Variants in COL25A1 observed in about 807,000 individuals in gnomAD.
The protein encoded by COL25A1 is collagen type XXV alpha 1 chain.
A neutral mutation model predicts 128.4 loss-of-function variants in COL25A1; 103 were observed. That is an observed-to-expected ratio of 0.80 (90% confidence interval 0.68 to 0.94). COL25A1 has a LOEUF of 0.94. Among genes scored for constraint, COL25A1 ranks in the 40% least tolerant of loss-of-function variants. COL25A1 has a pLI of 0.00. For missense variants in COL25A1, 745 were observed against 840.0 expected, an observed-to-expected ratio of 0.89 and a Z score of 1.40; for synonymous variants, 279 against 277.2, an observed-to-expected ratio of 1.01 and a Z score of -0.06.
chr4:109,034,496 A>G lies in COL25A1; in HGVS notation c.420+13672T>C, dbSNP rs1040269173. Among the ~76,000 whole-genome samples, 8 of 152,180 alleles carry G rather than the reference A, an allele frequency of 5.3e-5. No individual in the cohort carries two copies. The South Asian group carries it at 1.7e-3, about 32-fold the overall frequency. Reference sequence around the variant, plus strand: ...ATTGTCTCCACGTTCATCACTGCAGAGTGGTTCTGTCCATGTGACAAGGTC... The same window carrying G: ...ATTGTCTCCACGTTCATCACTGCAGGGTGGTTCTGTCCATGTGACAAGGTC... On this transcript the variant is annotated intron_variant, in intron 5 of 37. Coordinates refer to ENST00000399132, the MANE Select transcript of COL25A1 (RefSeq NM_198721.4).
intron 3 of COL25A1, among the ~76,000 whole-genome samples, chr4:109,180,686 A>G (rs1019459129): frequency 4.6e-5 from 7 of 152,102 alleles, no homozygotes; most frequent in African/African-American, 1.4e-4. Flanking sequence ...CATTAAGTTT[A>G]TAGATTTCCA....
chr4:109,058,791 G>C (rs141541544), intron 3 of COL25A1, among the ~76,000 whole-genome samples: 1 of 152,228 alleles, frequency 6.6e-6, no homozygotes, highest in African/African-American at 2.4e-5. Context: ...TATTTAAGCG[G>C]GTGCTAAATT....
intron 23 of COL25A1, among the ~76,000 whole-genome samples, chr4:108,860,341 C>A (rs375359999): frequency 6.6e-6 from 1 of 152,166 alleles, no homozygotes; most frequent in East Asian, 1.9e-4. Flanking sequence ...ATCCACCAGC[C>A]TTGGCTCCCA....
At chr4:109,178,328 CT>C (rs1774288006) in intron 3 of COL25A1, among the ~76,000 whole-genome samples, 1 of 152,142 alleles carries the variant, frequency 6.6e-6, no homozygotes, top group South Asian at 2.1e-4. Flanking sequence ...AAACATTGTC[CT>C]TTTAACCTGA....
At chr4:108,859,170 G>A (rs1273335735) in intron 24 of COL25A1, among the ~76,000 whole-genome samples, 1 of 152,170 alleles carries the variant, frequency 6.6e-6, no homozygotes, top group Non-Finnish European at 1.5e-5. Flanking sequence ...TGTGCCATTT[G>A]CTCTTCTCAA....
At chr4:108,970,154 A>G (rs1751762890) in intron 8 of COL25A1, among the ~76,000 whole-genome samples, 1 of 152,106 alleles carries the variant, frequency 6.6e-6, no homozygotes, top group Admixed American at 6.5e-5. Context: ...TGCCTACCTC[A>G]GCCTCCCAAA....
At chr4:108,923,570 T>C in intron 11 of COL25A1, among the ~76,000 whole-genome samples, 1 of 152,168 alleles carries the variant, frequency 6.6e-6, no homozygotes, top group Non-Finnish European at 1.5e-5. Context: ...GGTCTCAAAC[T>C]CCTGGCCTCA....
intron 13 of COL25A1, among the ~76,000 whole-genome samples, chr4:108,908,897 G>A (rs1743865213): frequency 6.6e-6 from 1 of 152,094 alleles, no homozygotes; most frequent in Non-Finnish European, 1.5e-5. Flanking sequence ...CAGTTCCTGG[G>A]TGAGGGCCAC....
At chr4:109,287,387 A>G (rs564051507) in intron 3 of COL25A1, among the ~76,000 whole-genome samples, 16 of 151,728 alleles carry the variant, frequency 1.1e-4, no homozygotes, top group Non-Finnish European at 1.8e-4. Context: ...TAGTTAATTG[A>G]ATAAAAAAAA....
chr4:108,927,387 GA>G (rs1305309265), intron 11 of COL25A1, among the ~76,000 whole-genome samples: 1 of 151,986 alleles, frequency 6.6e-6, no homozygotes, highest in East Asian at 1.9e-4. Flanking sequence ...TGACTAAATG[GA>G]AAAAATGAAT....
intron 3 of COL25A1, among the ~76,000 whole-genome samples, chr4:109,278,539 A>G (rs1723064648): frequency 6.6e-6 from 1 of 152,240 alleles, no homozygotes; most frequent in African/African-American, 2.4e-5. Context: ...AAAACTAAAT[A>G]TACTATCAAA....
chr4:108,840,242 C>CAA (rs34039825), intron 31 of COL25A1, among the ~76,000 whole-genome samples: 7,425 of 95,060 alleles, frequency 0.078, 394 homozygotes, highest in African/African-American at 0.13. Context: ...AACGCCATCT[C>CAA]AAAAAAAAAA....
At chr4:108,868,604 G>A (rs868636138) in intron 20 of COL25A1, among the ~76,000 whole-genome samples, 5 of 120,592 alleles carry the variant, frequency 4.1e-5, no homozygotes, top group African/African-American at 6.4e-5. Flanking sequence ...AAGAAAGAAA[G>A]AAAAAGAAAG....
chr4:109,165,255 G>A (rs1772962873), intron 3 of COL25A1, among the ~76,000 whole-genome samples: 1 of 152,016 alleles, frequency 6.6e-6, no homozygotes, highest in Admixed American at 6.6e-5. Context: ...TGGTCACAAA[G>A]TCCTCATGCA....
chr4:109,057,640 C>A (rs1761575693), intron 3 of COL25A1, among the ~76,000 whole-genome samples: 1 of 151,696 alleles, frequency 6.6e-6, no homozygotes, highest in Non-Finnish European at 1.5e-5. Flanking sequence ...TAAGTAAATA[C>A]AAATTAATTA....
chr4:109,181,537 A>G (rs2126145765), intron 3 of COL25A1, among the ~76,000 whole-genome samples: 1 of 152,246 alleles, frequency 6.6e-6, no homozygotes, highest in South Asian at 2.1e-4. Flanking sequence ...CAATAGCTAA[A>G]TTTCCAAACA....
chr4:108,998,322 A>T (rs569812531), intron 6 of COL25A1, among the ~76,000 whole-genome samples: 2 of 151,944 alleles, frequency 1.3e-5, no homozygotes, highest in African/African-American at 4.8e-5. Context: ...ATTCCTATAC[A>T]CCAATAATAG....
intron 3 of COL25A1, among the ~76,000 whole-genome samples, chr4:109,167,081 T>C (rs1025908636): frequency 1.2e-4 from 18 of 152,196 alleles, no homozygotes; most frequent in Non-Finnish European, 2.2e-4. Flanking sequence ...TCTTGAATCT[T>C]ATAAAATTGA....
chr4:108,967,469 T>C (rs967216754), intron 8 of COL25A1, among the ~76,000 whole-genome samples: 3 of 152,190 alleles, frequency 2.0e-5, no homozygotes, highest in Non-Finnish European at 4.4e-5. Context: ...ATATTCCTCA[T>C]ATGAAATATG....
Sources: allele counts gnomAD v4.1 joint callset (sites outside exome capture counted in the v4.1 genomes callset), GRCh38; gene constraint gnomAD v4.1.1; transcripts MANE v1.5; gene names NCBI Gene and HGNC (gene_info 2026-07-23, HGNC 2026-07-21).